LMCD1: variants seen among roughly 807,000 people sequenced by gnomAD.
LMCD1 encodes LIM and cysteine rich domains 1, also known as LIM and cysteine-rich domains protein 1.
LMCD1 carries 32 observed loss-of-function variants against 42.7 expected under a neutral mutation model. The ratio of observed to expected loss-of-function variants is 0.75; its 90% CI spans 0.57 to 1.01. The LOEUF (loss-of-function observed/expected upper bound fraction) is 1.01, where lower values mean the gene tolerates loss of function less well. Among genes scored for constraint, LMCD1 ranks in the 50% least tolerant of loss-of-function variants. The probability of loss-of-function intolerance (pLI) is 0.00; values close to 1 mark genes in which losing one functional copy is unlikely to be tolerated. For synonymous variants in LMCD1, 178 were observed against 184.9 expected, an observed-to-expected ratio of 0.96 and a Z score of 0.30; for missense variants, 458 against 483.1, an observed-to-expected ratio of 0.95 and a Z score of 0.49.
At chr3:8,508,913 G>C (rs1249735326) in intron 1 of LMCD1, among the ~76,000 whole-genome samples, 1 of 152,168 alleles carries the variant, frequency 6.6e-6, no homozygotes, top group Non-Finnish European at 1.5e-5. Context: ...ACAAGGTCCA[G>C]AAGCCACTTC....
chr3:8,567,514 T>C lies in LMCD1; in HGVS notation c.1014T>C (p.Cys338=). 6.2e-7 allele frequency: 1 copy of C among 1,614,010 alleles called. No individual in the cohort carries two copies. Among genetic ancestry groups the C allele is most frequent in the Admixed American group, 1.7e-5 (1 of 60,012 alleles). The change falls in exon 6 of 6, where the codon TGT becomes TGC. Residue 338 remains cysteine (C), a synonymous_variant. Coordinates refer to ENST00000157600, the MANE Select transcript of LMCD1 (RefSeq NM_014583.4). The part of the protein sequence containing the change: ...WHRKHFVCEG[C]EQLLSGRAYI... ...GAAAGCACTTTGTCTGTGAGGGTTG[T>C]GAGCAGCTGCTGAGCGGCCGGGCGT...
intron 4 of LMCD1, chr3:8,551,251 C>T (rs1313079020): frequency 1.0e-6 from 1 of 984,410 alleles, no homozygotes; most frequent in Non-Finnish European, 1.2e-6. Context: ...ATAGCCATTG[C>T]TCAATAAATA....
At chr3:8,512,312 T>C (rs1294882852) in intron 1 of LMCD1, among the ~76,000 whole-genome samples, 3 of 152,196 alleles carry the variant, frequency 2.0e-5, no homozygotes, top group Admixed American at 2.0e-4. Flanking sequence ...GGTCTGAAAA[T>C]GTGAGTTCCT....
intron 1 of LMCD1, among the ~76,000 whole-genome samples, chr3:8,530,066 C>T (rs781197185): frequency 4.6e-5 from 7 of 152,308 alleles, no homozygotes; most frequent in South Asian, 2.1e-4. Flanking sequence ...TCTCCAAACC[C>T]GAAACAGTTG....
rs546244579 is a variant in LMCD1 at position 8,567,754 on chromosome 3, T to A, written c.*156T>A. ...AATATATATATGAGATATATATAGA[T>A]ATATATTCTAGGTTGGGTGGTGGTA... On this transcript the variant is annotated 3_prime_UTR_variant, in exon 6 of 6. Transcript: ENST00000157600. 2.8e-4 allele frequency: 171 copies of A among 605,236 alleles called. No homozygotes were observed. In the African/African-American group the frequency reaches 2.9e-3, roughly 10 times the overall value. The allele number at this position is 605,236 out of a possible 1,614,324, so 37.5% of individuals were successfully genotyped here. A position where few individuals can be genotyped will look rare whatever the true frequency, so the allele number is the denominator to read the frequency against.
chr3:8,542,221 C>G (rs1694641110), intron 3 of LMCD1, among the ~76,000 whole-genome samples: 1 of 152,038 alleles, frequency 6.6e-6, no homozygotes, highest in East Asian at 1.9e-4. Context: ...AGGCTGGTCT[C>G]AAACTCCTGA....
At position 8,548,622 on chromosome 3, in the gene LMCD1, G is replaced by A. The variant is rs771851213; in HGVS notation, c.442G>A (p.Glu148Lys). ...GGAGAAGCAGCCAGTGACAGGCACA[G>A]AGGGTGCCTTTTACCGCCGCCGCCA... Reference protein sequence around the residue: ...PKEKQPVTGTEGAFYRRRQLM... With the variant: ...PKEKQPVTGTKGAFYRRRQLM... The change falls in exon 4 of 6, where the codon GAG becomes AAG. Residue 148 changes from glutamate (E) to lysine (K), a missense_variant. Transcript: ENST00000157600. The A allele has an allele frequency of 1.2e-6, 2 of 1,614,206 alleles. No homozygotes were observed. Among genetic ancestry groups the A allele is most frequent in the East Asian group, 4.5e-5 (2 of 44,862 alleles).
chr3:8,547,122 G>A (rs975657603), intron 3 of LMCD1, among the ~76,000 whole-genome samples: 1 of 152,126 alleles, frequency 6.6e-6, no homozygotes, highest in African/African-American at 2.4e-5. Context: ...GTGTTCCTTG[G>A]AGAATAAGCA....
chr3:8,559,947 G>A (rs981805711), intron 4 of LMCD1, among the ~76,000 whole-genome samples: 9 of 152,212 alleles, frequency 5.9e-5, no homozygotes, highest in Non-Finnish European at 1.0e-4. Flanking sequence ...AACAGTGAGG[G>A]AAGAAATGCT....
chr3:8,550,715 CT>C (rs1210625037), intron 4 of LMCD1: 14 of 969,300 alleles, frequency 1.4e-5, no homozygotes, highest in Non-Finnish European at 1.7e-5. Context: ...TTACCATGGT[CT>C]ATAAACTGGT....
chr3:8,556,277 A>T (rs990708357), intron 4 of LMCD1, among the ~76,000 whole-genome samples: 6 of 152,224 alleles, frequency 3.9e-5, no homozygotes, highest in Non-Finnish European at 7.3e-5. Flanking sequence ...TTCAAACTTC[A>T]GGTCACAATC....
chr3:8,504,135 C>G (rs1262240556), intron 1 of LMCD1, among the ~76,000 whole-genome samples: 3 of 151,988 alleles, frequency 2.0e-5, no homozygotes, highest in Admixed American at 6.6e-5. Context: ...CTTGGGACTG[C>G]GACAATCAGG....
At chr3:8,514,929 T>C (rs1317706540) in intron 1 of LMCD1, 1 of 456,576 alleles carries the variant, frequency 2.2e-6, no homozygotes, top group Non-Finnish European at 4.4e-6. Context: ...ATCTAGATGG[T>C]GATCACATGG....
intron 1 of LMCD1, among the ~76,000 whole-genome samples, chr3:8,520,691 G>A (rs1435178767): frequency 1.3e-5 from 2 of 152,176 alleles, no homozygotes; most frequent in Non-Finnish European, 2.9e-5. Context: ...ACAACTCCAA[G>A]AGAAAAAACA....
intron 3 of LMCD1, among the ~76,000 whole-genome samples, chr3:8,541,224 G>A (rs540254641): frequency 2.9e-4 from 44 of 152,182 alleles, no homozygotes; most frequent in Non-Finnish European, 3.2e-4. Context: ...AAGATGTCCC[G>A]ACCAGGTTGC....
intron 1 of LMCD1, among the ~76,000 whole-genome samples, chr3:8,513,051 A>T (rs1694031824): frequency 6.6e-6 from 1 of 152,172 alleles, no homozygotes; most frequent in Admixed American, 6.5e-5. Context: ...CCTCCTGAAG[A>T]TGTCTAATTT....
At chr3:8,545,246 G>T (rs990259544) in intron 3 of LMCD1, among the ~76,000 whole-genome samples, 20 of 152,014 alleles carry the variant, frequency 1.3e-4, no homozygotes, top group African/African-American at 4.4e-4. Flanking sequence ...TAGGAATGTT[G>T]CCCAGGAGGT....
chr3:8,501,957 G>T lies in LMCD1; in HGVS notation c.19G>T (p.Asp7Tyr). ...GAAGAGGATGGCAAAGGTGGCTAAG[G>T]ACCTCAACCCAGGAGTTAAAAAGGT... MAKVAK[D>Y]LNPGVKKMSL... The change falls in exon 1 of 6, where the codon GAC becomes TAC. Residue 7 changes from aspartate (D) to tyrosine (Y), a missense_variant. Asp to Tyr is a radical substitution (Grantham distance 160). Coordinates refer to ENST00000157600, the MANE Select transcript of LMCD1 (RefSeq NM_014583.4). 5 of 1,594,528 alleles carry T rather than the reference G, an allele frequency of 3.1e-6. No individual in the cohort carries two copies. Among genetic ancestry groups the T allele is most frequent in the Non-Finnish European group, 4.3e-6 (5 of 1,171,750 alleles).
intron 3 of LMCD1, among the ~76,000 whole-genome samples, chr3:8,539,663 A>G (rs1036664667): frequency 2.6e-5 from 4 of 152,162 alleles, no homozygotes; most frequent in Non-Finnish European, 5.9e-5. Flanking sequence ...ATCGTCAGGC[A>G]GTGATTAATG....
Sources: gnomAD v4.1 joint callset for allele counts (sites outside exome capture counted in the v4.1 genomes callset) on GRCh38, gnomAD v4.1.1 for gene constraint, MANE v1.5 for transcripts, NCBI Gene and HGNC (gene_info 2026-07-23, HGNC 2026-07-21) for gene names.